CENPP: variants seen among roughly 807,000 people sequenced by gnomAD.
CENPP encodes centromere protein P.
CENPP carries 24 observed loss-of-function variants against 35.6 expected under a neutral mutation model. That is an observed-to-expected ratio of 0.67 (90% confidence interval 0.49 to 0.95). The LOEUF (loss-of-function observed/expected upper bound fraction) is 0.95, where lower values mean the gene tolerates loss of function less well. Among genes scored for constraint, CENPP ranks in the 40% least tolerant of loss-of-function variants. CENPP has a pLI of 0.00. For synonymous variants in CENPP, 120 were observed against 125.5 expected, an observed-to-expected ratio of 0.96 and a Z score of 0.29; for missense variants, 332 against 345.3, an observed-to-expected ratio of 0.96 and a Z score of 0.31.
chr9:92,493,980 G>T, intron 5 of CENPP: 1 of 1,121,372 alleles, frequency 8.9e-7, no homozygotes. Context: ...GTAGTCTCCT[G>T]GCGGCCCTCA....
intron 5 of CENPP, among the ~76,000 whole-genome samples, chr9:92,523,428 C>T (rs1848199617): frequency 6.6e-6 from 1 of 152,118 alleles, no homozygotes; most frequent in South Asian, 2.1e-4. Context: ...CTCAACACCA[C>T]CCATAGGGTA....
In CENPP at chr9:92,326,048, C is replaced by T. The variant is rs988866403; in HGVS notation, c.50C>T (p.Ala17Val). 1.3e-5 allele frequency: 21 copies of T among 1,563,474 alleles called. No homozygotes were observed. Among genetic ancestry groups the T allele is most frequent in the East Asian group, 2.4e-5 (1 of 41,470 alleles). ...EVRALQAEIA[A>V]LRRACEDPPA... The stretch of plus-strand genomic sequence containing the variant: ...CGCGCCTTGCAAGCTGAGATCGCGG[C>T]CCTGCGGCGAGCGTGTGAGGACCCA... Residue 17 changes from alanine to valine, a missense_variant, in exon 1 of 8, where the codon GCC becomes GTC. Transcript: ENST00000375587.
intron 5 of CENPP, among the ~76,000 whole-genome samples, chr9:92,583,175 G>A (rs1850468993): frequency 6.6e-6 from 1 of 152,090 alleles, no homozygotes; most frequent in African/African-American, 2.4e-5. Context: ...ATTATCTGTG[G>A]GATCAAGATC....
intron 5 of CENPP, chr9:92,389,867 G>C (rs1364992289): frequency 1.6e-5 from 26 of 1,607,070 alleles, no homozygotes; most frequent in Non-Finnish European, 2.2e-5. Flanking sequence ...GAATGCATTT[G>C]CTTTGATTCC....
chr9:92,382,974 C>A (rs1001108237), intron 5 of CENPP, among the ~76,000 whole-genome samples: 1 of 140,774 alleles, frequency 7.1e-6, no homozygotes, highest in Non-Finnish European at 1.5e-5. Context: ...TCTTGGCTCA[C>A]TGCAACCTCC....
chr9:92,376,906 A>C (rs1049125912), intron 4 of CENPP, among the ~76,000 whole-genome samples: 1 of 151,962 alleles, frequency 6.6e-6, no homozygotes, highest in South Asian at 2.1e-4. Flanking sequence ...TTAGCCAGGC[A>C]TCATGGCGCA....
intron 5 of CENPP, among the ~76,000 whole-genome samples, chr9:92,484,261 C>T (rs149092012): frequency 4.3e-4 from 65 of 152,310 alleles, no homozygotes; most frequent in Middle Eastern, 6.8e-3. Context: ...GCCTCACACT[C>T]CATTCTCATA....
intron 5 of CENPP, among the ~76,000 whole-genome samples, chr9:92,485,768 C>G (rs1006843827): frequency 6.6e-6 from 1 of 152,170 alleles, no homozygotes; most frequent in Non-Finnish European, 1.5e-5. Context: ...TGGGCTAAAG[C>G]AATCCTCCCA....
At chr9:92,560,440 T>C (rs1849822452) in intron 5 of CENPP, among the ~76,000 whole-genome samples, 1 of 152,310 alleles carries the variant, frequency 6.6e-6, no homozygotes, top group African/African-American at 2.4e-5. Flanking sequence ...GACCCAAAGC[T>C]GATTGCAAAG....
intron 1 of CENPP, among the ~76,000 whole-genome samples, chr9:92,329,515 CT>C (rs1044287022): frequency 1.1e-4 from 17 of 152,112 alleles, no homozygotes; most frequent in Non-Finnish European, 2.5e-4. Flanking sequence ...TGTCTCTGTT[CT>C]TTTTTCTTTT....
intron 5 of CENPP, among the ~76,000 whole-genome samples, chr9:92,494,849 G>C (rs186874096): frequency 1.4e-3 from 219 of 152,246 alleles, no homozygotes; most frequent in African/African-American, 4.8e-3. Context: ...AGAGGTTGCA[G>C]TGAGCCGAGA....
At chr9:92,426,463 C>G (rs10992334) in intron 5 of CENPP, among the ~76,000 whole-genome samples, 2,188 of 152,074 alleles carry the variant, frequency 0.014, 19 homozygotes, top group South Asian at 0.025. Flanking sequence ...ATGCTTGGGA[C>G]TCAGCAGTGA....
At chr9:92,596,297 T>A (rs935138911) in intron 5 of CENPP, among the ~76,000 whole-genome samples, 1 of 151,892 alleles carries the variant, frequency 6.6e-6, no homozygotes, top group Non-Finnish European at 1.5e-5. Flanking sequence ...CCATGTCTAA[T>A]TTTTAAAAAT....
intron 5 of CENPP, among the ~76,000 whole-genome samples, chr9:92,418,947 C>CT (rs1449931439): frequency 6.6e-6 from 1 of 152,094 alleles, no homozygotes; most frequent in East Asian, 1.9e-4. Context: ...TCCTAGCTTC[C>CT]TTTTTTCCAT....
At chr9:92,517,376 A>G in intron 5 of CENPP, 1 of 533,230 alleles carries the variant, frequency 1.9e-6, no homozygotes, top group South Asian at 2.3e-5. Context: ...CCCTTAATGC[A>G]ATAAGAATTC....
chr9:92,503,558 T>C (rs1472257561), intron 5 of CENPP, among the ~76,000 whole-genome samples: 1 of 152,252 alleles, frequency 6.6e-6, no homozygotes, highest in African/African-American at 2.4e-5. Context: ...AAGTTTTTAA[T>C]AGCTAGCTGC....
intron 5 of CENPP, among the ~76,000 whole-genome samples, chr9:92,399,650 C>G (rs1843028312): frequency 6.6e-6 from 1 of 152,188 alleles, no homozygotes; most frequent in African/African-American, 2.4e-5. Context: ...TCATTTTATA[C>G]ATTCAGATTG....
At chr9:92,375,960 CA>C (rs1254799390) in intron 4 of CENPP, among the ~76,000 whole-genome samples, 2 of 150,046 alleles carry the variant, frequency 1.3e-5, no homozygotes, top group Non-Finnish European at 3.0e-5. Context: ...TTATGATGGG[CA>C]AAAAGGAAAA....
chr9:92,532,950 A>G (rs1848888739), intron 5 of CENPP, among the ~76,000 whole-genome samples: 1 of 152,082 alleles, frequency 6.6e-6, no homozygotes, highest in Non-Finnish European at 1.5e-5. Flanking sequence ...GGTTAAGTAC[A>G]TTATGAATAG....
Sources: allele counts gnomAD v4.1 joint callset (sites outside exome capture counted in the v4.1 genomes callset), GRCh38; gene constraint gnomAD v4.1.1; transcripts MANE v1.5; gene names NCBI Gene and HGNC (gene_info 2026-07-23, HGNC 2026-07-21).